Variants in RIN3 observed in about 807,000 individuals in gnomAD.
RIN3 encodes the protein Ras and Rab interactor 3.
Under a neutral mutation model 76.3 loss-of-function variants are expected in RIN3, and 54 were observed. The observed-to-expected ratio is 0.71, with a 90% CI of 0.57 to 0.89. The LOEUF is 0.89. Among genes scored for constraint, RIN3 ranks in the 40% least tolerant of loss-of-function variants. The pLI is 0.00. For missense variants in RIN3, 1,256 were observed against 1,322.1 expected (o/e 0.95, Z 0.78); for synonymous variants, 576 against 564.0 (o/e 1.02, Z -0.30).
At chr14:92,563,585 T>A (rs1013236522) in intron 2 of RIN3, among the ~76,000 whole-genome samples, 1 of 152,036 alleles carries the variant, frequency 6.6e-6, no homozygotes, top group African/African-American at 2.4e-5. Context: ...GCTACCAAGT[T>A]GTGGAACTTG....
intron 2 of RIN3, among the ~76,000 whole-genome samples, chr14:92,570,400 C>T (rs904153117): frequency 7.9e-5 from 12 of 152,154 alleles, no homozygotes; most frequent in African/African-American, 2.9e-4. Context: ...CGGTGGCTCA[C>T]GCCTGTAATC....
chr14:92,677,160 A>G lies in RIN3; in HGVS notation c.2467+554A>G, dbSNP rs945918216. ...TCAGGACCTCCATCAGTGGGAAGTT[A>G]ATGATATGAGTAAGAAGCCCTGTGC... is the stretch of plus-strand genomic sequence containing the variant. On this transcript the variant is annotated intron_variant, in intron 8 of 9. Coordinates refer to ENST00000216487, the MANE Select transcript of RIN3 (RefSeq NM_024832.5). Among the ~76,000 whole-genome samples, 4 of 152,244 alleles carry G rather than the reference A, an allele frequency of 2.6e-5. No individual in the cohort carries two copies. The South Asian group carries it at 8.3e-4, about 32-fold the overall frequency.
At chr14:92,551,188 A>T (rs946821356) in intron 1 of RIN3, among the ~76,000 whole-genome samples, 1 of 152,222 alleles carries the variant, frequency 6.6e-6, no homozygotes, top group Non-Finnish European at 1.5e-5. Context: ...TTTGAACTTC[A>T]TATAGATGGA....
intron 2 of RIN3, chr14:92,576,093 A>G (rs1029264830): frequency 2.0e-5 from 11 of 542,354 alleles, no homozygotes; most frequent in Middle Eastern, 7.3e-4. Context: ...AGGGGAAGAC[A>G]TGGACCAAGT....
intron 3 of RIN3, among the ~76,000 whole-genome samples, chr14:92,585,204 G>C (rs970912399): frequency 1.3e-5 from 2 of 151,966 alleles, no homozygotes; most frequent in African/African-American, 4.8e-5. Flanking sequence ...GTAGAGATGG[G>C]GTCTCTGTGT....
intron 4 of RIN3, among the ~76,000 whole-genome samples, chr14:92,627,635 AG>A (rs35562963): frequency 0.089 from 13,595 of 152,252 alleles, 865 homozygotes; most frequent in East Asian, 0.27. Flanking sequence ...CGGTATTTGT[AG>A]GCAAGTCTTT....
chr14:92,624,156 CAATT>C (rs1402861626), intron 4 of RIN3, among the ~76,000 whole-genome samples: 1 of 152,156 alleles, frequency 6.6e-6, no homozygotes, highest in Non-Finnish European at 1.5e-5. Flanking sequence ...TATCCTGTTT[CAATT>C]GTCAGTGTTT....
At chr14:92,576,494 T>G in intron 2 of RIN3, 4 of 1,066,780 alleles carry the variant, frequency 3.7e-6, no homozygotes, top group Non-Finnish European at 5.1e-6. Context: ...GGACTTGGGA[T>G]CTGCATGCAG....
rs554732055 is a variant in RIN3, at chr14:92,592,981, G to GTT, written c.367+15513_367+15514dup. Among the ~76,000 whole-genome samples, 1,175 of 147,618 alleles carry GTT rather than the reference G, an allele frequency of 8.0e-3. 14 individuals carry two copies. The highest frequency in any genetic ancestry group is 0.028 in the African/African-American group (1,121 of 40,334). On this transcript the variant is annotated intron_variant, in intron 3 of 9. Coordinates refer to ENST00000216487, the MANE Select transcript of RIN3 (RefSeq NM_024832.5). ...GAGCCACCATACCCAGCCAAAATTT[G>GTT]TTTTTTTTTTCCTGAATATTTTCAA... is the stretch of plus-strand genomic sequence containing the variant.
intron 2 of RIN3, among the ~76,000 whole-genome samples, chr14:92,574,231 G>T (rs183649740): frequency 1.1e-4 from 17 of 152,348 alleles, no homozygotes; most frequent in African/African-American, 3.6e-4. Context: ...AGTGCAGGAG[G>T]TTTTATAGAT....
At chr14:92,683,041 C>T (rs1595509616) in intron 8 of RIN3, among the ~76,000 whole-genome samples, 1 of 152,264 alleles carries the variant, frequency 6.6e-6, no homozygotes, top group East Asian at 1.9e-4. Flanking sequence ...GTGGTGCGTG[C>T]CTATAATCCC....
intron 4 of RIN3, among the ~76,000 whole-genome samples, chr14:92,634,423 T>C (rs924751169): frequency 6.6e-6 from 1 of 152,090 alleles, no homozygotes; most frequent in Non-Finnish European, 1.5e-5. Flanking sequence ...TGTGAATGCT[T>C]TTTAGTGGAT....
In RIN3 at chr14:92,514,031, G is replaced by GGCC; in HGVS notation, c.44+59_44+61dup. 1 of 1,144,536 alleles carries GGCC rather than the reference G, an allele frequency of 8.7e-7. No individual in the cohort carries two copies. Among genetic ancestry groups the GGCC allele is most frequent in the Non-Finnish European group, 1.1e-6 (1 of 906,548 alleles). The allele number at this position is 1,144,536 out of a possible 1,614,324, so 70.9% of individuals were successfully genotyped here. On this transcript the variant is annotated intron_variant, in intron 1 of 9. Coordinates refer to ENST00000216487, the MANE Select transcript of RIN3 (RefSeq NM_024832.5). This position sits in a 1 kb window ranked among gnomAD's most constrained non-coding sequence, Gnocchi z 7.2. ...TCGCGATCCCCACGGCCCGCGTCCT[G>GGCC]GCCGCCCCACTCCACTTCTTGTCCC...
rs1888839578 is a variant in RIN3 at position 92,685,912 on chromosome 14, G to A, written c.2631+762G>A. The stretch of plus-strand genomic sequence containing the variant: ...TGGGGTGCCCTCCTCTGGGCTTCCT[G>A]CGGCCTCCCCTTTTACAGTGCATAT... On this transcript the variant is annotated intron_variant, in intron 9 of 9. Transcript: ENST00000216487. This position sits in a 1 kb window ranked among gnomAD's most constrained non-coding sequence, Gnocchi z 4.7. 6.6e-6 allele frequency: 1 copy of A among 152,432 alleles called. No homozygotes were observed. Among genetic ancestry groups the A allele is most frequent in the South Asian group, 2.1e-4 (1 of 4,834 alleles). The allele number at this position is 152,432 out of a possible 1,614,324, so 9.4% of individuals were successfully genotyped here.
intron 1 of RIN3, among the ~76,000 whole-genome samples, chr14:92,526,193 C>T (rs554455330): frequency 5.4e-4 from 82 of 152,282 alleles, no homozygotes; most frequent in South Asian, 3.7e-3. Flanking sequence ...AGGTGGTTCA[C>T]GCCTGTAATC....
intron 2 of RIN3, among the ~76,000 whole-genome samples, chr14:92,573,110 G>T (rs1003784274): frequency 6.6e-6 from 1 of 151,992 alleles, no homozygotes; most frequent in Non-Finnish European, 1.5e-5. Flanking sequence ...TCGAACTCCT[G>T]ACCTCAAGTG....
At chr14:92,533,956 C>T (rs1225581303) in intron 1 of RIN3, among the ~76,000 whole-genome samples, 2 of 152,066 alleles carry the variant, frequency 1.3e-5, no homozygotes, top group Non-Finnish European at 2.9e-5. Context: ...CTGGATGATA[C>T]AGGTAAAGAG....
At chr14:92,515,700 C>A (rs1425286451) in intron 1 of RIN3, among the ~76,000 whole-genome samples, 1 of 152,204 alleles carries the variant, frequency 6.6e-6, no homozygotes, top group Admixed American at 6.5e-5. Context: ...GTGCTAGCAA[C>A]ACACACCACA....
chr14:92,595,900 C>T (rs1488541646), intron 3 of RIN3, among the ~76,000 whole-genome samples: 2 of 152,228 alleles, frequency 1.3e-5, no homozygotes, highest in Non-Finnish European at 1.5e-5. Context: ...ATGCCTGTCT[C>T]ACCAGCTTCT....
Sources: allele counts gnomAD v4.1 joint callset (sites outside exome capture counted in the v4.1 genomes callset), GRCh38; gene constraint gnomAD v4.1.1; non-coding constraint Gnocchi (gnomAD v3.1); transcripts MANE v1.5; gene names NCBI Gene and HGNC (gene_info 2026-07-23, HGNC 2026-07-21).